Variants in CPAP observed in about 807,000 individuals in gnomAD.
CPAP encodes centrosomal P4.1-associated protein.
chr13:24,907,330 T>C, the CPAP span: 1 of 692,022 alleles, frequency 1.4e-6, no homozygotes, highest in Non-Finnish European at 2.6e-6. Context: ...TTTGAGAACC[T>C]AACAAAAGCC....
At chr13:24,883,649 ACCCTT>A in the CPAP span, among the ~76,000 whole-genome samples, 2 of 152,076 alleles carry the variant, frequency 1.3e-5, no homozygotes, top group African/African-American at 4.8e-5. Flanking sequence ...ATTAAAAGGG[ACCCTT>A]CTTTCACTAA....
At chr13:24,919,826 C>T in the CPAP span, among the ~76,000 whole-genome samples, 1 of 152,200 alleles carries the variant, frequency 6.6e-6, no homozygotes, top group African/African-American at 2.4e-5. Context: ...TGCATTGGCA[C>T]AATCACGGCT....
chr13:24,912,619 C>G, the CPAP span: 2 of 1,613,700 alleles, frequency 1.2e-6, no homozygotes, highest in Non-Finnish European at 1.7e-6. Flanking sequence ...TTTATAAGCC[C>G]CTTCTTTGAA....
chr13:24,918,003 G>C, the CPAP span, among the ~76,000 whole-genome samples: 1 of 152,180 alleles, frequency 6.6e-6, no homozygotes, highest in African/African-American at 2.4e-5. Flanking sequence ...CTGTTGCATT[G>C]GGAATTAAGT....
At chr13:24,893,484 C>T in the CPAP span, among the ~76,000 whole-genome samples, 1 of 152,208 alleles carries the variant, frequency 6.6e-6, no homozygotes, top group Non-Finnish European at 1.5e-5. Flanking sequence ...GCAGCAGGTG[C>T]GGCCCGGCCC....
chr13:24,926,268 CAG>C, the CPAP span, among the ~76,000 whole-genome samples: 5 of 152,238 alleles, frequency 3.3e-5, no homozygotes, highest in African/African-American at 1.2e-4. Flanking sequence ...CATGGGACAA[CAG>C]TTATCAGCTC....
chr13:24,885,411 A>G, the CPAP span: 2,020 of 1,504,496 alleles, frequency 1.3e-3, 40 homozygotes, highest in South Asian at 0.022. Flanking sequence ...CATTTCAAGC[A>G]GCTAAAACCT....
chr13:24,911,719 T>TA, the CPAP span, among the ~76,000 whole-genome samples: 12 of 151,454 alleles, frequency 7.9e-5, no homozygotes, highest in East Asian at 3.9e-4. Context: ...TTTTTTTTTT[T>TA]AATGAATAAA....
chr13:24,905,353 T>C, the CPAP span: 1 of 1,614,002 alleles, frequency 6.2e-7, no homozygotes. Flanking sequence ...CACCAGGTGG[T>C]TGGTCTTGAC....
chr13:24,884,393 G>A, the CPAP span: 1 of 1,613,932 alleles, frequency 6.2e-7, no homozygotes, highest in Non-Finnish European at 8.5e-7. Context: ...CTTCCCATCT[G>A]CACTCACTTC....
At chr13:24,920,391 T>C in the CPAP span, among the ~76,000 whole-genome samples, 14 of 152,214 alleles carry the variant, frequency 9.2e-5, no homozygotes, top group Admixed American at 9.2e-4. Context: ...AAGAGTTGTA[T>C]AAAGGCTTAC....
At chr13:24,905,698 G>A in the CPAP span, 3 of 1,614,046 alleles carry the variant, frequency 1.9e-6, no homozygotes, top group African/African-American at 4.0e-5. Flanking sequence ...AGGATCTCGA[G>A]GGCTCAGACA....
chr13:24,886,416 T>C, the CPAP span: 17 of 1,240,362 alleles, frequency 1.4e-5, no homozygotes, highest in East Asian at 5.6e-5. Flanking sequence ...CATTACACCA[T>C]GGGAAATCAC....
At chr13:24,913,648 TC>T in the CPAP span, among the ~76,000 whole-genome samples, 12 of 152,226 alleles carry the variant, frequency 7.9e-5, no homozygotes, top group Non-Finnish European at 1.3e-4. Context: ...ACATCACTCT[TC>T]TAGCACTCAT....
At chr13:24,898,890 T>TA in the CPAP span, among the ~76,000 whole-genome samples, 7 of 152,394 alleles carry the variant, frequency 4.6e-5, no homozygotes, top group South Asian at 1.4e-3. Flanking sequence ...TAGTTAGTTG[T>TA]GTCTTCTCTT....
At chr13:24,933,995 G>C in the CPAP span, among the ~76,000 whole-genome samples, 1 of 152,196 alleles carries the variant, frequency 6.6e-6, no homozygotes, top group South Asian at 2.1e-4. Flanking sequence ...CAAAGGGCCG[G>C]GAATACAGGC....
chr13:24,905,020 A>G, the CPAP span, among the ~76,000 whole-genome samples: 1 of 152,184 alleles, frequency 6.6e-6, no homozygotes, highest in African/African-American at 2.4e-5. Flanking sequence ...ATACAAACTG[A>G]CACATATGCT....
the CPAP span, among the ~76,000 whole-genome samples, chr13:24,931,871 C>G: frequency 6.6e-6 from 1 of 152,228 alleles, no homozygotes; most frequent in Non-Finnish European, 1.5e-5. Flanking sequence ...ATCCACCCAC[C>G]TCTCCCAAAG....
chr13:24,899,543 A>T, the CPAP span: 1 of 1,613,932 alleles, frequency 6.2e-7, no homozygotes, highest in Non-Finnish European at 8.5e-7. Flanking sequence ...TATTCGAGCT[A>T]ATTCTTTTGC....
Sources: allele counts gnomAD v4.1 joint callset (sites outside exome capture counted in the v4.1 genomes callset), GRCh38; gene constraint gnomAD v4.1.1; transcripts MANE v1.5; gene names NCBI Gene and HGNC (gene_info 2026-07-23, HGNC 2026-07-21).